The following R3HCC1L variants were observed in gnomAD, a reference collection of about 807,000 sequenced individuals.
R3HCC1L encodes R3H domain and coiled-coil containing 1 like.
Under a neutral mutation model 59.9 loss-of-function variants are expected in R3HCC1L, and 51 were observed. That is an observed-to-expected ratio of 0.85 (90% CI 0.68 to 1.07). The LOEUF (loss-of-function observed/expected upper bound fraction) is 1.07. R3HCC1L is among the 50% of genes least tolerant of loss of function. The probability of loss-of-function intolerance (pLI) is 0.00; values close to 1 mark genes in which losing one functional copy is unlikely to be tolerated. For synonymous variants in R3HCC1L, 322 were observed against 315.2 expected (o/e 1.02, Z -0.23); for missense variants, 965 against 933.0 (o/e 1.03, Z -0.45).
chr10:98,152,481 C>T (rs546612208), intron 1 of R3HCC1L, among the ~76,000 whole-genome samples: 4,462 of 98,406 alleles, frequency 0.045, 215 homozygotes, highest in South Asian at 0.064. Context: ...CGCCTCTTCC[C>T]GGCCGCCATC....
chr10:98,204,744 G>A (rs933385204), intron 4 of R3HCC1L, among the ~76,000 whole-genome samples: 5 of 151,948 alleles, frequency 3.3e-5, no homozygotes, highest in Admixed American at 6.6e-5. Flanking sequence ...ACAATATTAC[G>A]TATCGTTATA....
chr10:98,159,219 A>G (rs4468282), intron 2 of R3HCC1L, among the ~76,000 whole-genome samples: 103,369 of 152,128 alleles, frequency 0.68, 35,296 homozygotes, highest in African/African-American at 0.76. Flanking sequence ...TTTGGCAGGA[A>G]TACCGCAAAG....
intron 4 of R3HCC1L, among the ~76,000 whole-genome samples, chr10:98,192,099 A>G (rs1456113645): frequency 4.6e-5 from 7 of 152,140 alleles, no homozygotes; most frequent in Non-Finnish European, 1.0e-4. Context: ...TGCTGGGATT[A>G]TAGGTGTGAG....
intron 5 of R3HCC1L, among the ~76,000 whole-genome samples, chr10:98,227,232 G>T (rs1855767830): frequency 1.3e-5 from 2 of 152,090 alleles, no homozygotes; most frequent in African/African-American, 4.8e-5. Flanking sequence ...TGAAGTATAG[G>T]TACTGTTATT....
At chr10:98,139,344 T>C (rs891197428) in intron 1 of R3HCC1L, among the ~76,000 whole-genome samples, 1 of 152,214 alleles carries the variant, frequency 6.6e-6, no homozygotes, top group African/African-American at 2.4e-5. Context: ...ACTCGTGACC[T>C]GTAGGATGAT....
At position 98,241,249 on chromosome 10, in the gene R3HCC1L, A is replaced by G. The variant is rs553105654; in HGVS notation, c.2270-2842A>G. ...TGTCTATTGTTCTGTATGTGACTACAGTAGATTTTGTGATTATTTTTCATA... is the reference window on the plus strand; with the variant it reads ...TGTCTATTGTTCTGTATGTGACTACGGTAGATTTTGTGATTATTTTTCATA... On this transcript the variant is annotated intron_variant, in intron 9 of 9. Coordinates refer to ENST00000298999, the MANE Select transcript of R3HCC1L (RefSeq NM_001351015.2). 5.3e-5 allele frequency among the ~76,000 whole-genome samples: 8 copies of G among 152,290 alleles called. No individual in the cohort carries two copies. In the East Asian group the frequency reaches 1.3e-3, roughly 26 times the overall value.
intron 4 of R3HCC1L, among the ~76,000 whole-genome samples, chr10:98,193,047 A>AT (rs140469394): frequency 2.8e-3 from 420 of 152,320 alleles, no homozygotes; most frequent in African/African-American, 9.7e-3. Context: ...ATTTCAACTG[A>AT]TTCAGTAAAA....
chr10:98,193,381 A>G (rs1469330417), intron 4 of R3HCC1L, among the ~76,000 whole-genome samples: 7 of 152,082 alleles, frequency 4.6e-5, no homozygotes, highest in Non-Finnish European at 1.0e-4. Context: ...AAAAAAAATA[A>G]AAAATAAAAA....
rs1464347092 is a variant in R3HCC1L, at chr10:98,157,136, CTCT to C, written c.-213+994_-213+996del. ...GAGAAGTCTTAAGCCAATGTGAACC[CTCT>C]TCTTTCATTTGGATCTTTTCACTGG... On this transcript the variant is annotated intron_variant, in intron 2 of 9. Coordinates refer to ENST00000298999, the MANE Select transcript of R3HCC1L (RefSeq NM_001351015.2). Among the ~76,000 whole-genome samples, 3 of 151,988 alleles carry C rather than the reference CTCT, an allele frequency of 2.0e-5. No homozygotes were observed. The South Asian group carries it at 6.3e-4, about 32-fold the overall frequency.
At chr10:98,218,743 G>A (rs919162027) in intron 5 of R3HCC1L, among the ~76,000 whole-genome samples, 2 of 152,156 alleles carry the variant, frequency 1.3e-5, no homozygotes, top group African/African-American at 4.8e-5. Flanking sequence ...TTTCTGTCTA[G>A]ATGATCTGTC....
At chr10:98,137,859 G>C (rs962675207) in intron 1 of R3HCC1L, among the ~76,000 whole-genome samples, 3 of 152,094 alleles carry the variant, frequency 2.0e-5, no homozygotes, top group Non-Finnish European at 4.4e-5. Flanking sequence ...AGACGTTTAT[G>C]GAACAGTTTT....
rs377615199 is a variant in R3HCC1L at position 98,141,853 on chromosome 10, C to G, written c.-268+7147C>G. Among the ~76,000 whole-genome samples the G allele has an allele frequency of 3.3e-5, 5 of 152,224 alleles. No individual in the cohort carries two copies. In the South Asian group the frequency reaches 1.0e-3, roughly 32 times the overall value. On this transcript the variant is annotated intron_variant, in intron 1 of 9. Transcript: ENST00000298999. ...GAAGTTCTGTAGTATCACAAGCTTG[C>G]CAGATTCAAGGAGAGAGTGACAGTT...
chr10:98,199,409 T>C (rs1305737490), intron 4 of R3HCC1L, among the ~76,000 whole-genome samples: 1 of 152,086 alleles, frequency 6.6e-6, no homozygotes, highest in Non-Finnish European at 1.5e-5. Context: ...TGTCCTATTA[T>C]GCTAAAACAA....
At chr10:98,236,280 C>A in intron 9 of R3HCC1L, 116 bp downstream of exon 9, 1 of 1,339,318 alleles carries the variant, frequency 7.5e-7, no homozygotes, top group Non-Finnish European at 1.0e-6. Context: ...TTCCTAGAAG[C>A]CTCCTAAGTG....
chr10:98,189,770 G>A (rs940465773), intron 4 of R3HCC1L, among the ~76,000 whole-genome samples: 1 of 152,126 alleles, frequency 6.6e-6, no homozygotes, highest in African/African-American at 2.4e-5. Flanking sequence ...TGGTTCATTA[G>A]CAGATTTTAT....
In R3HCC1L at chr10:98,162,569, G is replaced by A. The variant is rs553844187; in HGVS notation, c.-212-314G>A. 1.8e-4 allele frequency among the ~76,000 whole-genome samples: 28 copies of A among 152,136 alleles called. No homozygotes were observed. The South Asian group carries it at 5.8e-3, about 32-fold the overall frequency. On this transcript the variant is annotated intron_variant, in intron 2 of 9. Transcript: ENST00000298999. ...TTTTTATCCATCTACCATTCAGCTG[G>A]CCAGCATATACTTACTGAGTATCCA...
intron 4 of R3HCC1L, among the ~76,000 whole-genome samples, chr10:98,185,880 A>G (rs909785541): frequency 1.3e-5 from 2 of 152,208 alleles, no homozygotes; most frequent in African/African-American, 4.8e-5. Context: ...GACTAGTTAG[A>G]TAGGTTACCT....
intron 4 of R3HCC1L, among the ~76,000 whole-genome samples, chr10:98,169,495 T>C (rs956262417): frequency 1.3e-5 from 2 of 152,240 alleles, no homozygotes; most frequent in Admixed American, 1.3e-4. Context: ...AAATGGTAGC[T>C]GATTATTCTT....
chr10:98,193,941 T>A (rs935566466), intron 4 of R3HCC1L, among the ~76,000 whole-genome samples: 1 of 152,164 alleles, frequency 6.6e-6, no homozygotes, highest in Non-Finnish European at 1.5e-5. Flanking sequence ...ACAATCTCTG[T>A]CAAAATCCTT....
Sources: allele counts gnomAD v4.1 joint callset (sites outside exome capture counted in the v4.1 genomes callset), GRCh38; gene constraint gnomAD v4.1.1; transcripts MANE v1.5; gene names NCBI Gene and HGNC (gene_info 2026-07-23, HGNC 2026-07-21).